AKT3: variants seen among roughly 807,000 people sequenced by gnomAD.
AKT3 encodes the protein AKT serine/threonine kinase 3, also known as RAC-gamma serine/threonine-protein kinase.
Under a neutral mutation model 65.3 loss-of-function variants are expected in AKT3, and 15 were observed. The ratio of observed to expected loss-of-function variants is 0.23; its 90% CI spans 0.15 to 0.35. AKT3 has a LOEUF of 0.35. AKT3 is among the 10% of genes least tolerant of loss of function. AKT3 has a pLI of 1.00. For synonymous variants in AKT3, 206 were observed against 183.8 expected, an observed-to-expected ratio of 1.12 and a Z score of -0.98; for missense variants, 243 against 576.5, an observed-to-expected ratio of 0.42 and a Z score of 5.92.
chr1:243,719,805 A>T (rs1686760086), intron 2 of AKT3, among the ~76,000 whole-genome samples: 2 of 152,152 alleles, frequency 1.3e-5, no homozygotes, highest in Admixed American at 1.3e-4. Context: ...TTCTGCTCAC[A>T]TGTGAGTGGC....
chr1:243,709,479 G>A (rs1256679671), intron 2 of AKT3, among the ~76,000 whole-genome samples: 2 of 151,782 alleles, frequency 1.3e-5, no homozygotes, highest in Admixed American at 6.6e-5. Context: ...AAGTATAGTA[G>A]TTCTCCACTC....
At chr1:243,599,990 T>C (rs1676897414) in intron 8 of AKT3, among the ~76,000 whole-genome samples, 1 of 152,102 alleles carries the variant, frequency 6.6e-6, no homozygotes, top group African/African-American at 2.4e-5. Context: ...ATCAACTGTA[T>C]GTCTATATAT....
At chr1:243,673,006 C>G (rs1002581689) in intron 3 of AKT3, among the ~76,000 whole-genome samples, 7 of 152,176 alleles carry the variant, frequency 4.6e-5, no homozygotes, top group Non-Finnish European at 8.8e-5. Context: ...AAGAGGCATG[C>G]AAACATCTAG....
chr1:243,588,590 T>C (rs1219548872), intron 8 of AKT3, among the ~76,000 whole-genome samples: 1 of 152,178 alleles, frequency 6.6e-6, no homozygotes, highest in Non-Finnish European at 1.5e-5. Flanking sequence ...AATCCATGCC[T>C]ATATGGTCAA....
chr1:243,747,495 G>C (rs1268224942), intron 2 of AKT3, among the ~76,000 whole-genome samples: 2 of 152,124 alleles, frequency 1.3e-5, no homozygotes, highest in Non-Finnish European at 1.5e-5. Context: ...CTGCTAAGTT[G>C]TAACTGACCT....
At chr1:243,849,969 C>T (rs2148491569) in intron 1 of AKT3, 71 bp downstream of exon 1, 1 of 959,660 alleles carries the variant, frequency 1.0e-6, no homozygotes, top group Non-Finnish European at 1.2e-6. Context: ...GAGGGCGGAC[C>T]GGGGCCCGGG....
At chr1:243,488,930 G>C (rs1665694257) in intron 13 of AKT3, 2 of 1,603,028 alleles carry the variant, frequency 1.2e-6, no homozygotes, top group Admixed American at 1.7e-5. Context: ...CCTATCAGGG[G>C]CTTCCCTCAG....
At chr1:243,768,173 T>C (rs1689951506) in intron 2 of AKT3, among the ~76,000 whole-genome samples, 1 of 150,666 alleles carries the variant, frequency 6.6e-6, no homozygotes, top group Middle Eastern at 3.5e-3. Context: ...ATAATATATA[T>C]ATTTTATAAC....
chr1:243,676,819 C>T (rs191610720), intron 3 of AKT3, among the ~76,000 whole-genome samples: 216 of 152,242 alleles, frequency 1.4e-3, no homozygotes, highest in Admixed American at 5.5e-3. Context: ...ACACCCAACC[C>T]GGGAACTTAC....
intron 2 of AKT3, among the ~76,000 whole-genome samples, chr1:243,835,291 T>G (rs1335248423): frequency 1.3e-5 from 2 of 152,122 alleles, no homozygotes; most frequent in African/African-American, 2.4e-5. Context: ...ATCACCCTGG[T>G]TGTACTTTAG....
intron 2 of AKT3, among the ~76,000 whole-genome samples, chr1:243,811,320 G>C (rs1693135954): frequency 6.6e-6 from 1 of 152,190 alleles, no homozygotes. Context: ...AGTAACTTCA[G>C]CAAAGTCTCA....
chr1:243,797,132 T>C (rs950371141), intron 2 of AKT3, among the ~76,000 whole-genome samples: 1 of 152,030 alleles, frequency 6.6e-6, no homozygotes, highest in Non-Finnish European at 1.5e-5. Flanking sequence ...GTAAATTTTA[T>C]GTTATATATA....
chr1:243,791,250 A>G (rs889372822), intron 2 of AKT3, among the ~76,000 whole-genome samples: 11 of 151,976 alleles, frequency 7.2e-5, no homozygotes, highest in East Asian at 3.9e-4. Flanking sequence ...AAATAAGGGG[A>G]AAAAGTCTAT....
At chr1:243,673,853 T>C (rs1683321705) in intron 3 of AKT3, among the ~76,000 whole-genome samples, 1 of 152,164 alleles carries the variant, frequency 6.6e-6, no homozygotes, top group South Asian at 2.1e-4. Context: ...GACCTCGTGA[T>C]CCACCCACCT....
intron 8 of AKT3, among the ~76,000 whole-genome samples, chr1:243,583,540 C>CAAA (rs1294857854): frequency 3.3e-5 from 1 of 30,034 alleles, no homozygotes; most frequent in Non-Finnish European, 7.3e-5. Context: ...AAGTAAGTCT[C>CAAA]AAAAAAAAAA....
chr1:243,521,643 G>C (rs1670725651), intron 12 of AKT3, among the ~76,000 whole-genome samples: 1 of 152,060 alleles, frequency 6.6e-6, no homozygotes, highest in South Asian at 2.1e-4. Context: ...TTAATCTTGT[G>C]CCTACATAAA....
chr1:243,707,791 A>G (rs931405558), intron 2 of AKT3, among the ~76,000 whole-genome samples: 3 of 152,120 alleles, frequency 2.0e-5, no homozygotes, highest in Non-Finnish European at 4.4e-5. Context: ...TCACACATCA[A>G]TATCAGGTCT....
chr1:243,555,616 G>A (rs1326235735), intron 10 of AKT3, among the ~76,000 whole-genome samples: 1 of 151,958 alleles, frequency 6.6e-6, no homozygotes, highest in African/African-American at 2.4e-5. Context: ...GGCTACCTCT[G>A]ATCATTTTTT....
intron 2 of AKT3, among the ~76,000 whole-genome samples, chr1:243,730,869 G>A (rs527730237): frequency 6.6e-6 from 1 of 152,286 alleles, no homozygotes; most frequent in African/African-American, 2.4e-5. Flanking sequence ...CTGCAGCCTG[G>A]CAAGGAGCCG....
Sources: allele counts gnomAD v4.1 joint callset (sites outside exome capture counted in the v4.1 genomes callset), GRCh38; gene constraint gnomAD v4.1.1; transcripts MANE v1.5; gene names NCBI Gene and HGNC (gene_info 2026-07-23, HGNC 2026-07-21).